The following EPB41 variants were observed in gnomAD, a reference collection of about 807,000 sequenced individuals.
EPB41 encodes erythrocyte membrane protein band 4.1.
Under a neutral mutation model 108.0 loss-of-function variants are expected in EPB41, and 65 were observed. That is an observed-to-expected ratio of 0.60 (90% CI 0.49 to 0.74). The LOEUF (loss-of-function observed/expected upper bound fraction) is 0.74, where lower values mean the gene tolerates loss of function less well. Ranked by LOEUF, EPB41 falls within the 30% of genes least tolerant of loss-of-function variation. The pLI is 0.00. For missense variants in EPB41, 875 were observed against 1,037.0 expected, an observed-to-expected ratio of 0.84 and a Z score of 2.15; for synonymous variants, 336 against 358.9, an observed-to-expected ratio of 0.94 and a Z score of 0.72.
In EPB41 at chr1:28,993,468, C is replaced by T. The variant is rs2096073383; in HGVS notation, c.607C>T (p.Pro203Ser). 2 of 1,613,866 alleles carry T rather than the reference C, an allele frequency of 1.2e-6. No homozygotes were observed. The highest frequency in any genetic ancestry group is 4.5e-5 in the East Asian group (2 of 44,860). The change falls in exon 3 of 21, where the codon CCA becomes TCA. Residue 203 changes from proline to serine, a missense_variant. Pro to Ser is a moderately conservative substitution (Grantham distance 74). Transcript: ENST00000343067. ...AACAGAATTAAAAGCTTCCCAAAAA[C>T]CAATCAGAAAACACAGGAACATGCA... ...AETELKASQK[P>S]IRKHRNMHCK...
intron 8 of EPB41, among the ~76,000 whole-genome samples, chr1:29,032,802 C>T (rs1261701068): frequency 6.6e-6 from 1 of 152,090 alleles, no homozygotes; most frequent in African/African-American, 2.4e-5. Context: ...TCAACTCCTA[C>T]ATTTAACATC....
intron 11 of EPB41, among the ~76,000 whole-genome samples, chr1:29,042,773 CTT>C (rs557935654): frequency 6.9e-6 from 1 of 144,848 alleles, no homozygotes; most frequent in Non-Finnish European, 1.5e-5. Context: ...CACCCCCCAA[CTT>C]TTTTTTTTTT....
chr1:28,947,584 T>C (rs1040527260), intron 1 of EPB41, among the ~76,000 whole-genome samples: 4 of 152,092 alleles, frequency 2.6e-5, no homozygotes, highest in Non-Finnish European at 4.4e-5. Flanking sequence ...CCGAGCACTT[T>C]AGGAGGCCGA....
chr1:29,037,659 C>T (rs915059716), intron 10 of EPB41, among the ~76,000 whole-genome samples: 1 of 151,702 alleles, frequency 6.6e-6, no homozygotes, highest in African/African-American at 2.4e-5. Flanking sequence ...GCCTCAACCT[C>T]CCAAGTAGCT....
Position 28,887,610 on chromosome 1 carries a change from G to C in EPB41, c.-8+400G>C, listed in dbSNP as rs757470700. The C allele has an allele frequency of 3.0e-6, 3 of 985,256 alleles. No individual in the cohort carries two copies. The highest frequency in any genetic ancestry group is 1.7e-5 in the African/African-American group (1 of 57,328). The allele number at this position is 985,256 out of a possible 1,614,324, so 61.0% of individuals were successfully genotyped here. On this transcript the variant is annotated intron_variant, in intron 1 of 16. Coordinates refer to the EPB41 transcript ENST00000347529. The surrounding 1 kb of genome is among the most constrained non-coding windows in gnomAD (Gnocchi z 4.9). The stretch of plus-strand genomic sequence containing the variant: ...TTGCCCGGCCCCGCATGCTCCTGCC[G>C]GGCCCGCAGCAGCGCTGGAGCGGGC...
At chr1:29,002,288 A>G (rs1034081604) in intron 4 of EPB41, among the ~76,000 whole-genome samples, 4 of 152,050 alleles carry the variant, frequency 2.6e-5, no homozygotes, top group Admixed American at 1.3e-4. Context: ...TGTCTCTACC[A>G]AAAATGAAAA....
At chr1:28,959,746 CA>C (rs969228168) in intron 1 of EPB41, among the ~76,000 whole-genome samples, 26 of 151,714 alleles carry the variant, frequency 1.7e-4, no homozygotes, top group African/African-American at 6.3e-4. Context: ...TAATTTTTAA[CA>C]AAAAGGGGAA....
rs866695831 is a variant in EPB41, at chr1:28,992,798, A to G, written c.469-532A>G. On this transcript the variant is annotated intron_variant, in intron 2 of 20. Coordinates refer to ENST00000343067, the MANE Select transcript of EPB41 (RefSeq NM_001376013.1). ...TCATTGACTCTTCTTTGCATTTAACATGATTAATATTGGGTAGAAAGGTGT... is the reference window on the plus strand; with the variant it reads ...TCATTGACTCTTCTTTGCATTTAACGTGATTAATATTGGGTAGAAAGGTGT... Among the ~76,000 whole-genome samples the G allele has an allele frequency of 2.0e-5, 3 of 152,236 alleles. No individual in the cohort carries two copies. The South Asian group carries it at 6.2e-4, about 31-fold the overall frequency.
chr1:28,901,360 G>C (rs1032656973), intron 1 of EPB41, among the ~76,000 whole-genome samples: 2 of 149,692 alleles, frequency 1.3e-5, no homozygotes, highest in African/African-American at 4.9e-5. Context: ...GAGTAGCTGG[G>C]ACTACAGGCG....
chr1:29,113,750 T>G (rs1322826906), intron 19 of EPB41, among the ~76,000 whole-genome samples: 1 of 152,204 alleles, frequency 6.6e-6, no homozygotes, highest in Non-Finnish European at 1.5e-5. Flanking sequence ...TCCAGGGTCA[T>G]AAGGGCCAAA....
chr1:28,997,070 T>A, intron 3 of EPB41, 145 bp from the exon 4 acceptor site: 1 of 701,360 alleles, frequency 1.4e-6, no homozygotes, highest in Non-Finnish European at 2.6e-6. Flanking sequence ...GAAGATCACT[T>A]GAGCCCAGGA....
intron 1 of EPB41, among the ~76,000 whole-genome samples, chr1:28,898,229 C>T (rs1217765319): frequency 6.6e-6 from 1 of 152,064 alleles, no homozygotes; most frequent in African/African-American, 2.4e-5. Flanking sequence ...CTTCCTGCAC[C>T]CTCACAACTG....
rs556816482 is a variant in EPB41, at chr1:29,053,128, G to C, written c.1661G>C (p.Arg554Pro). Residue 554 changes from arginine to proline, a missense_variant, in exon 12 of 21, where the codon CGA (arginine) becomes CCA (proline). By Grantham distance (103) the Arg-to-Pro change is moderately radical. This residue lies in a region of EPB41 where 519 missense variants were observed against 627.3 expected (regional missense o/e 0.83). Transcript: ENST00000343067. Reference protein sequence around the residue: ...DGAAAVDSADRSPRPTSAPAI... With the variant: ...DGAAAVDSADPSPRPTSAPAI... ...GCAGCAGCTGTCGATTCGGCAGACC[G>C]AAGTCCTCGGCCCACTTCTGCACCT... The C allele has an allele frequency of 1.2e-6, 2 of 1,614,108 alleles. No individual in the cohort carries two copies. The highest frequency in any genetic ancestry group is 2.2e-5 in the South Asian group (2 of 91,068).
intron 4 of EPB41, among the ~76,000 whole-genome samples, chr1:29,010,650 C>T (rs958386076): frequency 6.6e-6 from 1 of 152,162 alleles, no homozygotes; most frequent in African/African-American, 2.4e-5. Flanking sequence ...TTTGCATGGT[C>T]TACCATGGGT....
intron 1 of EPB41, among the ~76,000 whole-genome samples, chr1:28,971,990 G>A (rs1408477965): frequency 6.6e-6 from 1 of 151,886 alleles, no homozygotes; most frequent in Non-Finnish European, 1.5e-5. Context: ...CGACCTCCGC[G>A]CTCAGCTGAT....
At chr1:28,971,003 A>G (rs943011994) in intron 1 of EPB41, among the ~76,000 whole-genome samples, 1 of 151,336 alleles carries the variant, frequency 6.6e-6, no homozygotes, top group African/African-American at 2.4e-5. Context: ...GCGTGCCACT[A>G]CGCCCAGCTA....
In EPB41 at chr1:29,097,913, C is replaced by T. The variant is rs539378430; in HGVS notation, c.2291C>T (p.Thr764Ile). ...DVPIVHTETK[T>I]ITYEAAQTDD... The stretch of plus-strand genomic sequence containing the variant: ...CCTATTGTCCACACTGAGACCAAGA[C>T]CATCACTTATGAGGCTGCCCAGGTA... Residue 764 changes from threonine to isoleucine, a missense_variant, in exon 17 of 21, where the codon ACC becomes ATC. Physicochemically the swap from Thr to Ile is moderately conservative, Grantham distance 89. This residue lies in a region of EPB41 where 519 missense variants were observed against 627.3 expected (regional missense o/e 0.83). Coordinates refer to ENST00000343067, the MANE Select transcript of EPB41 (RefSeq NM_001376013.1). The T allele has an allele frequency of 2.7e-5, 43 of 1,613,986 alleles. No individual in the cohort carries two copies. Among genetic ancestry groups the T allele is most frequent in the Non-Finnish European group, 3.5e-5 (41 of 1,179,878 alleles).
At chr1:28,917,728 G>C (rs1035297810) in intron 1 of EPB41, among the ~76,000 whole-genome samples, 1 of 151,616 alleles carries the variant, frequency 6.6e-6, no homozygotes, top group African/African-American at 2.4e-5. Flanking sequence ...CTACAGACGT[G>C]CACCACCATG....
chr1:29,030,152 T>A (rs940440965), intron 7 of EPB41, among the ~76,000 whole-genome samples: 7 of 152,134 alleles, frequency 4.6e-5, no homozygotes, highest in Non-Finnish European at 1.0e-4. Flanking sequence ...TTAAAAAAAT[T>A]TTTTTTGCAG....
Sources: gnomAD v4.1 joint callset for allele counts (sites outside exome capture counted in the v4.1 genomes callset) on GRCh38, gnomAD v4.1.1 for gene constraint, gnomAD v4.1.1 regional missense constraint, Gnocchi (gnomAD v3.1) non-coding constraint, MANE v1.5 for transcripts, NCBI Gene and HGNC (gene_info 2026-07-23, HGNC 2026-07-21) for gene names.